Variants in TNKS observed in about 807,000 individuals in gnomAD.
TNKS encodes poly [ADP-ribose] polymerase tankyrase-1.
In TNKS, 72 loss-of-function variants were observed where a neutral mutation model predicts 135.8. That is an observed-to-expected ratio of 0.53 (90% CI 0.44 to 0.64). TNKS has a LOEUF of 0.64. Ranked by LOEUF, TNKS falls within the 30% of genes least tolerant of loss-of-function variation. The pLI is 0.00. For synonymous variants in TNKS, 849 were observed against 649.3 expected (o/e 1.31, Z -4.68); for missense variants, 1,769 against 1,674.0 (o/e 1.06, Z -0.99).
At chr8:9,721,769 C>G (rs910428652) in intron 12 of TNKS, among the ~76,000 whole-genome samples, 3 of 152,076 alleles carry the variant, frequency 2.0e-5, no homozygotes, top group Non-Finnish European at 4.4e-5. Flanking sequence ...AACGCCCTAA[C>G]TAGATCGGGC....
rs1807981958 is a variant in TNKS, at chr8:9,772,680, G to A, written c.3897+2418G>A. ...GATTGTATCAATGTAAAATTATAAG[G>A]TTGATTCTGTACTTACGTAAGGCAA... On this transcript the variant is annotated intron_variant, in intron 26 of 26. Coordinates refer to ENST00000310430, the MANE Select transcript of TNKS (RefSeq NM_003747.3). 2.0e-5 allele frequency among the ~76,000 whole-genome samples: 3 copies of A among 151,906 alleles called. No homozygotes were observed. In the South Asian group the frequency reaches 6.2e-4, roughly 32 times the overall value.
At chr8:9,587,079 C>T (rs997785342) in intron 2 of TNKS, among the ~76,000 whole-genome samples, 7 of 151,968 alleles carry the variant, frequency 4.6e-5, no homozygotes, top group African/African-American at 1.5e-4. Flanking sequence ...GGAATGTTAA[C>T]TTTACATTGC....
chr8:9,659,088 G>A (rs1801568800), intron 3 of TNKS, among the ~76,000 whole-genome samples: 1 of 152,128 alleles, frequency 6.6e-6, no homozygotes, highest in Admixed American at 6.6e-5. Context: ...CATAAAGCAA[G>A]TCCTTAGTGA....
intron 3 of TNKS, among the ~76,000 whole-genome samples, chr8:9,629,715 C>G (rs1800209674): frequency 6.6e-6 from 1 of 152,228 alleles, no homozygotes; most frequent in Non-Finnish European, 1.5e-5. Flanking sequence ...CGAAGTCTCG[C>G]TCTGTCGCCC....
chr8:9,575,415 C>T lies in TNKS; in HGVS notation c.674-4744C>T, dbSNP rs1010547047. 16 of 985,114 alleles carry T rather than the reference C, an allele frequency of 1.6e-5. No individual in the cohort carries two copies. The Admixed American group carries it at 8.0e-4, about 49-fold the overall frequency. 61.0% of individuals were successfully genotyped at this position (985,114 alleles called of 1,614,324 possible). Reference sequence around the variant, plus strand: ...GAGGAACAAGGTGGGTCAACTCTACCCTACTAGATATCTAGACTTATTCTA... The same window carrying T: ...GAGGAACAAGGTGGGTCAACTCTACTCTACTAGATATCTAGACTTATTCTA... On this transcript the variant is annotated intron_variant, in intron 1 of 26. Coordinates refer to ENST00000310430, the MANE Select transcript of TNKS (RefSeq NM_003747.3).
intron 25 of TNKS, among the ~76,000 whole-genome samples, chr8:9,769,712 C>G (rs1585446713): frequency 6.6e-6 from 1 of 150,980 alleles, no homozygotes; most frequent in Admixed American, 6.6e-5. Context: ...CTCCACCTCC[C>G]GTGTTCGTGC....
rs557741135 is a variant in TNKS, at chr8:9,748,083, G to A, written c.2703G>A (p.Lys901=). ...ACACGTGTGTAAATGCAACAGATAA[G>A]TGGGCGTTTACTCCCCTCCATGAAG... The part of the protein sequence containing the change: ...KYNTCVNATD[K]WAFTPLHEAA... Residue 901 remains lysine (K), a synonymous_variant, in exon 18 of 27, where the codon AAG becomes AAA. Coordinates refer to ENST00000310430, the MANE Select transcript of TNKS (RefSeq NM_003747.3). 2 of 1,613,832 alleles carry A rather than the reference G, an allele frequency of 1.2e-6. No individual in the cohort carries two copies. Among genetic ancestry groups the A allele is most frequent in the Non-Finnish European group, 1.7e-6 (2 of 1,179,956 alleles).
At chr8:9,615,448 T>C in intron 2 of TNKS, 134 bp from the exon 3 acceptor site, 1 of 653,198 alleles carries the variant, frequency 1.5e-6, no homozygotes, top group Non-Finnish European at 2.4e-6. Flanking sequence ...TTTTGCTTTT[T>C]TTCTTTTTTT....
At position 9,748,109 on chromosome 8, in the gene TNKS, C is replaced by T; in HGVS notation, c.2729C>T (p.Ala910Val). The T allele has an allele frequency of 6.2e-7, 1 of 1,614,148 alleles. No individual in the cohort carries two copies. The highest frequency in any genetic ancestry group is 8.5e-7 in the Non-Finnish European group (1 of 1,180,032). ...DKWAFTPLHE[A>V]AQKGRTQLCA... is the part of the protein sequence containing the mutation. ...TGGGCGTTTACTCCCCTCCATGAAG[C>T]AGCCCAGAAAGGAAGGACGCAGCTG... The change falls in exon 18 of 27, where the codon GCA becomes GTA. Residue 910 changes from alanine (A) to valine (V), a missense_variant. By Grantham distance (64) the Ala-to-Val change is moderately conservative. Around this residue, in one of 5 missense-constraint regions of TNKS, gnomAD observed 722 missense variants for 688.9 expected, o/e 1.05. Coordinates refer to ENST00000310430, the MANE Select transcript of TNKS (RefSeq NM_003747.3).
At chr8:9,557,944 G>A (rs940108140) in intron 1 of TNKS, 11 of 152,168 alleles carry the variant, frequency 7.2e-5, no homozygotes, top group Admixed American at 5.2e-4. Flanking sequence ...TAAACTGTCA[G>A]AACCCTGGAT....
intron 2 of TNKS, among the ~76,000 whole-genome samples, chr8:9,604,541 A>T (rs1351151010): frequency 6.6e-6 from 1 of 151,954 alleles, no homozygotes; most frequent in East Asian, 1.9e-4. Context: ...TTCTTTCTTC[A>T]GTGTAGTTTA....
chr8:9,766,451 G>A (rs774157987), intron 25 of TNKS, 26 bp downstream of exon 25: 13 of 1,411,002 alleles, frequency 9.2e-6, no homozygotes, highest in East Asian at 2.6e-5. Context: ...TTAGTGTAAC[G>A]TTTCCCACCC....
intron 17 of TNKS, chr8:9,741,147 CAT>C (rs2128822090): frequency 6.6e-6 from 1 of 152,382 alleles, no homozygotes; most frequent in African/African-American, 2.4e-5. Context: ...ATAACTTACA[CAT>C]GTATATCATT....
rs550635023 is a variant in TNKS, at chr8:9,778,231, T to C, written c.*1495T>C. The C allele has an allele frequency of 1.3e-5, 2 of 152,666 alleles. No individual in the cohort carries two copies. The highest frequency in any genetic ancestry group is 3.4e-3 in the Middle Eastern group (1 of 294). The allele number at this position is 152,666 out of a possible 1,614,324, so 9.5% of individuals were successfully genotyped here. On this transcript the variant is annotated 3_prime_UTR_variant, in exon 27 of 27. Coordinates refer to ENST00000310430, the MANE Select transcript of TNKS (RefSeq NM_003747.3). ...TGAGTGCACTAACTTATTTACTTGA[T>C]ATACTGTGCATCTACTCTGCTTTGA...
rs780878702 is a variant in TNKS at position 9,751,718 on chromosome 8, C to G, written c.2942C>G (p.Ser981Cys). 1.2e-6 allele frequency: 2 copies of G among 1,614,196 alleles called. No homozygotes were observed. Among genetic ancestry groups the G allele is most frequent in the Non-Finnish European group, 1.7e-6 (2 of 1,180,032 alleles). Reference protein sequence around the residue: ...VVSASLISPASTPSCLSAASS... With the variant: ...VVSASLISPACTPSCLSAASS... ...AGTGCCTCTCTGATCTCACCAGCAT[C>G]CACCCCCTCCTGCCTCTCGGCTGCC... The change falls in exon 19 of 27, where the codon TCC (serine) becomes TGC (cysteine). Residue 981 changes from serine (S) to cysteine (C), a missense_variant. Around this residue, in one of 5 missense-constraint regions of TNKS, gnomAD observed 722 missense variants for 688.9 expected, o/e 1.05. Coordinates refer to ENST00000310430, the MANE Select transcript of TNKS (RefSeq NM_003747.3).
At position 9,777,532 on chromosome 8, in the gene TNKS, G is replaced by T. The variant is rs1032510061; in HGVS notation, c.*796G>T. 6.6e-6 allele frequency: 1 copy of T among 152,178 alleles called. No individual in the cohort carries two copies. The highest frequency in any genetic ancestry group is 1.5e-5 in the Non-Finnish European group (1 of 68,060). 9.4% of individuals were successfully genotyped at this position (152,178 alleles called of 1,614,324 possible). On this transcript the variant is annotated 3_prime_UTR_variant, in exon 27 of 27. Coordinates refer to ENST00000310430, the MANE Select transcript of TNKS (RefSeq NM_003747.3). ...AGGCCACTTGCTCTTTCCAACACAA[G>T]CCTGCCACAGAGGTCTTCGGGACAG...
chr8:9,731,171 A>G, intron 14 of TNKS, 136 bp downstream of exon 14: 1 of 1,175,376 alleles, frequency 8.5e-7, no homozygotes, highest in Non-Finnish European at 1.1e-6. Context: ...ATTAAAACAT[A>G]GAAATGTGCC....
chr8:9,582,074 A>G (rs1183791777), intron 2 of TNKS, among the ~76,000 whole-genome samples: 1 of 152,216 alleles, frequency 6.6e-6, no homozygotes, highest in African/African-American at 2.4e-5. Context: ...ATGAGGATAT[A>G]GTTGCTATTA....
chr8:9,658,947 A>G lies in TNKS; in HGVS notation c.995-21004A>G, dbSNP rs1356156629. Among the ~76,000 whole-genome samples the G allele has an allele frequency of 1.7e-4, 26 of 152,240 alleles. 1 individual carries two copies. The highest frequency in any genetic ancestry group is 1.7e-3 in the Admixed American group (26 of 15,284). On this transcript the variant is annotated intron_variant, in intron 3 of 26. Coordinates refer to ENST00000310430, the MANE Select transcript of TNKS (RefSeq NM_003747.3). ...AGGGGTTGCAATCGTAGTCTTGGATAAAACAGACTTTAAACCAACCAAGAT... is the reference window on the plus strand; with the variant it reads ...AGGGGTTGCAATCGTAGTCTTGGATGAAACAGACTTTAAACCAACCAAGAT...
Sources: allele counts gnomAD v4.1 joint callset (sites outside exome capture counted in the v4.1 genomes callset), GRCh38; gene constraint gnomAD v4.1.1; regional missense constraint gnomAD v4.1.1; transcripts MANE v1.5; gene names NCBI Gene and HGNC (gene_info 2026-07-23, HGNC 2026-07-21).